CYP7B1: variants seen among roughly 807,000 people sequenced by gnomAD.
CYP7B1 encodes cytochrome P450 family 7 subfamily B member 1, also known as cytochrome P450 7B1.
A neutral mutation model predicts 42.7 loss-of-function variants in CYP7B1; 29 were observed. That is an observed-to-expected ratio of 0.68 (90% CI 0.51 to 0.93). The LOEUF (loss-of-function observed/expected upper bound fraction) is 0.93. Among genes scored for constraint, CYP7B1 ranks in the 40% least tolerant of loss-of-function variants. CYP7B1 has a pLI of 0.00. For synonymous variants in CYP7B1, 235 were observed against 218.2 expected (o/e 1.08, Z -0.68); for missense variants, 655 against 600.5 (o/e 1.09, Z -0.95).
chr8:64,794,685 A>G (rs1804677850), intron 1 of CYP7B1, among the ~76,000 whole-genome samples: 1 of 152,136 alleles, frequency 6.6e-6, no homozygotes, highest in Non-Finnish European at 1.5e-5. Context: ...TAATACCATC[A>G]CCTTGGGAGT....
chr8:64,598,199 A>C (rs1221465934), intron 5 of CYP7B1, among the ~76,000 whole-genome samples: 1 of 152,230 alleles, frequency 6.6e-6, no homozygotes, highest in Non-Finnish European at 1.5e-5. Flanking sequence ...ATAACTGCTC[A>C]ATTCCTGATA....
At position 64,718,196 on chromosome 8, in the gene CYP7B1, T is replaced by TC. The variant is rs549815124; in HGVS notation, c.122+80269_122+80270insG. On this transcript the variant is annotated intron_variant, in intron 1 of 5. Coordinates refer to ENST00000310193, the MANE Select transcript of CYP7B1 (RefSeq NM_004820.5). ...TTGCATCCCTATTGAATATTCAAAG[T>TC]GAGAGTTATTAACTACCTCTTCGTT... 1.2e-3 allele frequency among the ~76,000 whole-genome samples: 188 copies of TC among 152,148 alleles called. 1 individual carries two copies. Among genetic ancestry groups the TC allele is most frequent in the Non-Finnish European group, 1.2e-3 (84 of 68,020 alleles).
intron 1 of CYP7B1, among the ~76,000 whole-genome samples, chr8:64,769,984 T>C (rs1387435604): frequency 6.6e-6 from 1 of 152,200 alleles, no homozygotes; most frequent in Non-Finnish European, 1.5e-5. Flanking sequence ...GTTCTTACCA[T>C]CCTTCTTTAT....
chr8:64,749,133 T>A (rs1006835179), intron 1 of CYP7B1, among the ~76,000 whole-genome samples: 1 of 152,054 alleles, frequency 6.6e-6, no homozygotes, highest in African/African-American at 2.4e-5. Context: ...CAAGCTGGAG[T>A]GCAGTGGTGT....
intron 5 of CYP7B1, among the ~76,000 whole-genome samples, chr8:64,600,473 T>C (rs1224331911): frequency 6.6e-6 from 1 of 152,082 alleles, no homozygotes; most frequent in East Asian, 1.9e-4. Flanking sequence ...ATTAGACAAA[T>C]ATAAATTAGA....
chr8:64,692,062 A>G (rs977628192), intron 1 of CYP7B1, among the ~76,000 whole-genome samples: 9 of 152,224 alleles, frequency 5.9e-5, no homozygotes, highest in African/African-American at 2.2e-4. Flanking sequence ...GATGAAGTGG[A>G]AAGGATCACA....
rs72656466 is a variant in CYP7B1 at position 64,693,989 on chromosome 8, C to T, written c.123-69450G>A. ...TTGATTCCCAGACCAGTGTGTTTAG[C>T]TAATCTGTCCTCAATACGCGTTGAG... On this transcript the variant is annotated intron_variant, in intron 1 of 5. Coordinates refer to ENST00000310193, the MANE Select transcript of CYP7B1 (RefSeq NM_004820.5). 8.2e-3 allele frequency among the ~76,000 whole-genome samples: 1,242 copies of T among 152,276 alleles called. 8 individuals carry two copies. The highest frequency in any genetic ancestry group is 0.012 in the Non-Finnish European group (813 of 68,016).
At chr8:64,649,531 G>T (rs191963074) in intron 1 of CYP7B1, among the ~76,000 whole-genome samples, 4 of 152,310 alleles carry the variant, frequency 2.6e-5, no homozygotes, top group Non-Finnish European at 1.5e-5. Context: ...AGGTGGGCCT[G>T]TGTCTCTTCA....
Position 64,643,190 on chromosome 8 carries a change from T to C in CYP7B1, c.123-18651A>G, listed in dbSNP as rs865879342. ...ATATATACATATATATACATATATA[T>C]ATACACACACACACACACACACATA... On this transcript the variant is annotated intron_variant, in intron 1 of 5. Transcript: ENST00000310193. 1.1e-4 allele frequency among the ~76,000 whole-genome samples: 9 copies of C among 83,634 alleles called. 1 individual carries two copies. Among genetic ancestry groups the C allele is most frequent in the South Asian group, 3.3e-4 (1 of 3,002 alleles). The allele number at this position is 83,634 out of a possible 152,430, so 54.9% of individuals were successfully genotyped here.
At chr8:64,694,651 A>G (rs1318554413) in intron 1 of CYP7B1, among the ~76,000 whole-genome samples, 1 of 151,882 alleles carries the variant, frequency 6.6e-6, no homozygotes, top group African/African-American at 2.4e-5. Context: ...ATAGAAAATT[A>G]GTTAATATTT....
chr8:64,705,645 G>A (rs759018789), intron 1 of CYP7B1, among the ~76,000 whole-genome samples: 12 of 151,886 alleles, frequency 7.9e-5, no homozygotes, highest in Non-Finnish European at 1.5e-4. Context: ...TGCAGTTAAG[G>A]TACACTTTTA....
chr8:64,765,060 T>C (rs927791878), intron 1 of CYP7B1, among the ~76,000 whole-genome samples: 4 of 151,918 alleles, frequency 2.6e-5, no homozygotes, highest in Admixed American at 1.3e-4. Context: ...TGCCTAATAA[T>C]TGGTCTGCTG....
In CYP7B1 at chr8:64,604,986, G is replaced by C. The variant is rs552412654; in HGVS notation, c.1058-129C>G. On this transcript the variant is annotated intron_variant, in intron 4 of 5. Transcript: ENST00000310193. ...AAACTGTTTCTTCATCACATACATT[G>C]AGCACCAAGAGGGAGCCAAGGGTGG... is the stretch of plus-strand genomic sequence containing the variant. 80 of 1,101,154 alleles carry C rather than the reference G, an allele frequency of 7.3e-5. No homozygotes were observed. In the South Asian group the frequency reaches 1.0e-3, roughly 14 times the overall value. The allele number at this position is 1,101,154 out of a possible 1,614,324, so 68.2% of individuals were successfully genotyped here.
intron 1 of CYP7B1, among the ~76,000 whole-genome samples, chr8:64,758,813 T>C (rs1232452870): frequency 6.6e-6 from 1 of 152,220 alleles, no homozygotes; most frequent in African/African-American, 2.4e-5. Flanking sequence ...GTTTCAATAG[T>C]AATACTAGGA....
chr8:64,701,163 T>G (rs1263606982), intron 1 of CYP7B1, among the ~76,000 whole-genome samples: 1 of 152,010 alleles, frequency 6.6e-6, no homozygotes, highest in East Asian at 1.9e-4. Flanking sequence ...AACCCTTTCT[T>G]TGTAACACTC....
chr8:64,615,880 C>A lies in CYP7B1; in HGVS notation c.661G>T (p.Asp221Tyr), dbSNP rs770177317. The change falls in exon 3 of 6, where the codon GAC (aspartate) becomes TAC (tyrosine). Residue 221 changes from aspartate (D) to tyrosine (Y), a missense_variant. Coordinates refer to ENST00000310193, the MANE Select transcript of CYP7B1 (RefSeq NM_004820.5). ...TTGGATACTAAATATGCAAACTTGT[C>A]ATCAAATTTTAAAAAATCATCTCTT... ...ELRDDFLKFD[D>Y]KFAYLVSNIP... 39 of 1,613,492 alleles carry A rather than the reference C, an allele frequency of 2.4e-5. No homozygotes were observed. Among genetic ancestry groups the A allele is most frequent in the Non-Finnish European group, 3.3e-5 (39 of 1,179,772 alleles).
chr8:64,596,907 A>T lies in CYP7B1; in HGVS notation c.1256T>A (p.Ile419Lys). ...APEEFRYDRF[I>K]EDGKKKTTFF... The stretch of plus-strand genomic sequence containing the variant: ...GGTGGTTTTCTTCTTACCATCTTCT[A>T]TAAAACGATCATATCTAAACTCCTG... Residue 419 changes from isoleucine to lysine, a missense_variant, in exon 6 of 6, where the codon ATA becomes AAA. Ile to Lys is a moderately radical substitution (Grantham distance 102). Coordinates refer to ENST00000310193, the MANE Select transcript of CYP7B1 (RefSeq NM_004820.5). The T allele has an allele frequency of 6.2e-7, 1 of 1,612,194 alleles. No individual in the cohort carries two copies. Among genetic ancestry groups the T allele is most frequent in the Non-Finnish European group, 8.5e-7 (1 of 1,178,530 alleles).
chr8:64,795,923 GA>G (rs1327737039), intron 1 of CYP7B1, among the ~76,000 whole-genome samples: 2 of 152,198 alleles, frequency 1.3e-5, no homozygotes, highest in African/African-American at 4.8e-5. Flanking sequence ...GTAAGTGTCT[GA>G]AGGGAACAAA....
At chr8:64,620,611 A>G (rs1805515019) in intron 2 of CYP7B1, among the ~76,000 whole-genome samples, 3 of 152,228 alleles carry the variant, frequency 2.0e-5, no homozygotes, top group Admixed American at 2.0e-4. Context: ...TCATGCAAGA[A>G]CATATACTCA....
Sources: allele counts gnomAD v4.1 joint callset (sites outside exome capture counted in the v4.1 genomes callset), GRCh38; gene constraint gnomAD v4.1.1; transcripts MANE v1.5; gene names NCBI Gene and HGNC (gene_info 2026-07-23, HGNC 2026-07-21).